The following VRTN variants were observed in gnomAD, a reference collection of about 807,000 sequenced individuals.
VRTN encodes the protein vertebrae development associated.
VRTN carries 5 observed loss-of-function variants against 18.2 expected under a neutral mutation model. The observed-to-expected ratio is 0.27, with a 90% CI of 0.14 to 0.58. VRTN has a LOEUF of 0.58. VRTN is among the 20% of genes least tolerant of loss of function. VRTN has a pLI of 0.91. For synonymous variants in VRTN, 381 were observed against 393.7 expected, an observed-to-expected ratio of 0.97 and a Z score of 0.38; for missense variants, 741 against 939.4, an observed-to-expected ratio of 0.79 and a Z score of 2.76.
upstream of VRTN, among the ~76,000 whole-genome samples, chr14:74,344,246 C>CAAAAA (rs71115985): frequency 2.2e-4 from 7 of 32,514 alleles, no homozygotes; most frequent in East Asian, 1.1e-3. Flanking sequence ...CTGCTTTCTA[C>CAAAAA]AAAAAAAAAA....
intron 1 of VRTN, chr14:74,306,166 A>ATG (rs1236060490): frequency 2.4e-5 from 2 of 84,190 alleles, no homozygotes; most frequent in Non-Finnish European, 2.2e-5. Context: ...ATATATATAT[A>ATG]TATATATTTT....
intron 1 of VRTN, among the ~76,000 whole-genome samples, chr14:74,324,088 C>T (rs1024390152): frequency 2.0e-5 from 3 of 151,870 alleles, no homozygotes; most frequent in Non-Finnish European, 4.4e-5. Context: ...GGTAAGTGCC[C>T]AGTAAATAAG....
chr14:74,315,041 C>T (rs1156460582), intron 1 of VRTN, among the ~76,000 whole-genome samples: 1 of 152,042 alleles, frequency 6.6e-6, no homozygotes, highest in Non-Finnish European at 1.5e-5. Flanking sequence ...CTATGGCCTG[C>T]CTTGGGAGAG....
At chr14:74,319,099 C>T (rs2085436772) in intron 1 of VRTN, among the ~76,000 whole-genome samples, 1 of 152,068 alleles carries the variant, frequency 6.6e-6, no homozygotes, top group Admixed American at 6.6e-5. Context: ...TCGACCTTGG[C>T]TCACCACACT....
intron 1 of VRTN, among the ~76,000 whole-genome samples, chr14:74,322,332 T>G (rs1343333015): frequency 6.6e-6 from 1 of 152,006 alleles, no homozygotes; most frequent in Non-Finnish European, 1.5e-5. Flanking sequence ...ATATTTTTTA[T>G]AGAGATGGGG....
intron 1 of VRTN, among the ~76,000 whole-genome samples, chr14:74,317,582 AC>A (rs1400670701): frequency 1.3e-5 from 2 of 151,880 alleles, no homozygotes; most frequent in Admixed American, 1.3e-4. Context: ...TGGGTGGGTC[AC>A]CTGAGCTCAG....
chr14:74,353,329 A>G (rs571336174), intron 1 of VRTN, among the ~76,000 whole-genome samples: 2 of 152,260 alleles, frequency 1.3e-5, no homozygotes, highest in Admixed American at 1.3e-4. Flanking sequence ...ACTAACTTGT[A>G]TTGTGACCTT....
intron 1 of VRTN, among the ~76,000 whole-genome samples, chr14:74,313,529 C>T (rs1190319395): frequency 1.3e-5 from 2 of 152,126 alleles, no homozygotes; most frequent in African/African-American, 4.8e-5. Flanking sequence ...GACATCTTCC[C>T]CAAGTGAGAA....
At chr14:74,356,692 G>A (rs1237201967) in intron 1 of VRTN, 91 bp from the exon 2 acceptor site, 2 of 1,459,840 alleles carry the variant, frequency 1.4e-6, no homozygotes, top group Non-Finnish European at 1.8e-6. Flanking sequence ...TACCTTTTGG[G>A]AGAAAGTGCA....
Position 74,324,842 on chromosome 14 carries a change from T to TC in VRTN, c.-163-12877dup, listed in dbSNP as rs2085479027. On this transcript the variant is annotated intron_variant, in intron 1 of 2. Transcript: ENST00000557177. Reference sequence around the variant, plus strand: ...GTGGAGGTTGCAGTGAGTTGAGATCTCCCCACTGCACTCCAGCCTGGGAGA... The same window carrying TC: ...GTGGAGGTTGCAGTGAGTTGAGATCTCCCCCACTGCACTCCAGCCTGGGAGA... Among the ~76,000 whole-genome samples the TC allele has an allele frequency of 2.0e-5, 3 of 150,818 alleles. No homozygotes were observed. The South Asian group carries it at 6.3e-4, about 32-fold the overall frequency.
chr14:74,336,528 A>G (rs1258554696), intron 1 of VRTN, among the ~76,000 whole-genome samples: 2 of 152,204 alleles, frequency 1.3e-5, no homozygotes, highest in East Asian at 3.8e-4. Context: ...ATATACATAC[A>G]TAATAGATAG....
In VRTN at chr14:74,330,194, C is replaced by T. The variant is rs541875689; in HGVS notation, c.-163-7529C>T. 7.2e-5 allele frequency among the ~76,000 whole-genome samples: 11 copies of T among 151,898 alleles called. No individual in the cohort carries two copies. The South Asian group carries it at 2.1e-3, about 29-fold the overall frequency. ...CGGGCCTGGAAAGCATTTTTTAAAT[C>T]TCCCCAGGTGTTTCCCATGGGCAGC... is the stretch of plus-strand genomic sequence containing the variant. On this transcript the variant is annotated intron_variant, in intron 1 of 2. Coordinates refer to the VRTN transcript ENST00000557177.
intron 1 of VRTN, among the ~76,000 whole-genome samples, chr14:74,333,637 C>T (rs539281772): frequency 1.3e-5 from 2 of 151,526 alleles, no homozygotes; most frequent in African/African-American, 4.9e-5. Flanking sequence ...GTCAGGAGTT[C>T]AAGACCAGCC....
At chr14:74,303,056 GACCGACGTCTCTAAAAGT>G (rs2085137992) in exon 1 of VRTN, 7 of 857,192 alleles carry the variant, frequency 8.2e-6, no homozygotes, top group Non-Finnish European at 1.2e-5. Flanking sequence ...TCCCGGAAGC[GACCGACGTCTCTAAAAGT>G]ACCAGAGAGT....
At chr14:74,323,145 T>C (rs1458552987) in intron 1 of VRTN, among the ~76,000 whole-genome samples, 2 of 151,716 alleles carry the variant, frequency 1.3e-5, no homozygotes, top group East Asian at 1.9e-4. Context: ...AAAAAAAGCA[T>C]ACTGGGAATA....
Position 74,357,507 on chromosome 14 carries a change from G to C in VRTN, c.724G>C (p.Gly242Arg). Residue 242 changes from glycine to arginine, a missense_variant, in exon 2 of 2, where the codon GGG becomes CGG. Coordinates refer to ENST00000256362, the MANE Select transcript of VRTN (RefSeq NM_018228.3). This position sits in a 1 kb window ranked among gnomAD's most constrained non-coding sequence, Gnocchi z 7.8. ...CCACCAGTACTTTGCCCCTGTGGTGGGGCTGGAAGAGGTGGAGGCTGAAGG... is the reference window on the plus strand; with the variant it reads ...CCACCAGTACTTTGCCCCTGTGGTGCGGCTGGAAGAGGTGGAGGCTGAAGG... ...FRHQYFAPVV[G>R]LEEVEAEGAP... The C allele has an allele frequency of 6.2e-7, 1 of 1,613,048 alleles. No homozygotes were observed. Among genetic ancestry groups the C allele is most frequent in the Non-Finnish European group, 8.5e-7 (1 of 1,179,996 alleles).
At chr14:74,335,136 C>T (rs143637768) in intron 1 of VRTN, among the ~76,000 whole-genome samples, 1 of 152,238 alleles carries the variant, frequency 6.6e-6, no homozygotes, top group African/African-American at 2.4e-5. Context: ...ACAAAATTAG[C>T]CAGGTGTGGT....
chr14:74,344,743 A>AAAAAAAAAAAAAAAG (rs1425106645), upstream of VRTN, among the ~76,000 whole-genome samples: 3,334 of 146,130 alleles, frequency 0.023, 214 homozygotes, highest in African/African-American at 0.087. Flanking sequence ...TAAAAAAAAA[A>AAAAAAAAAAAAAAAG]AAAATGAAAA....
At chr14:74,354,909 A>C (rs2085713984) in intron 1 of VRTN, among the ~76,000 whole-genome samples, 1 of 151,898 alleles carries the variant, frequency 6.6e-6, no homozygotes, top group Non-Finnish European at 1.5e-5. Flanking sequence ...TGGGAACCTG[A>C]GGCGGGCAGA....
Sources: allele counts gnomAD v4.1 joint callset (sites outside exome capture counted in the v4.1 genomes callset), GRCh38; gene constraint gnomAD v4.1.1; non-coding constraint Gnocchi (gnomAD v3.1); transcripts MANE v1.5; gene names NCBI Gene and HGNC (gene_info 2026-07-23, HGNC 2026-07-21).